The following ZNF148 variants were observed in gnomAD, a reference collection of about 807,000 sequenced individuals.
ZNF148 encodes zinc finger protein 148.
Under a neutral mutation model 67.7 loss-of-function variants are expected in ZNF148, and 7 were observed. The ratio of observed to expected loss-of-function variants is 0.10; its 90% CI spans 0.06 to 0.19. ZNF148 has a LOEUF of 0.19. ZNF148 is among the 10% of genes least tolerant of loss of function. The pLI is 1.00. For synonymous variants in ZNF148, 333 were observed against 330.7 expected (o/e 1.01, Z -0.08); for missense variants, 583 against 947.1 (o/e 0.62, Z 5.05).
At chr3:125,363,744 G>T (rs1423875392) in intron 1 of ZNF148, among the ~76,000 whole-genome samples, 1 of 151,592 alleles carries the variant, frequency 6.6e-6, no homozygotes, top group African/African-American at 2.4e-5. Context: ...CTGCCTTCTG[G>T]GTTCAAGTCA....
chr3:125,313,785 C>G, intron 3 of ZNF148, 129 bp from the exon 4 acceptor site: 1 of 722,234 alleles, frequency 1.4e-6, no homozygotes, highest in Non-Finnish European at 2.1e-6. Flanking sequence ...GGAACTGCCT[C>G]CAATTTTAAA....
intron 2 of ZNF148, among the ~76,000 whole-genome samples, chr3:125,323,876 G>A (rs1940898678): frequency 6.6e-6 from 1 of 151,584 alleles, no homozygotes; most frequent in Admixed American, 6.6e-5. Flanking sequence ...GGAGAATGGC[G>A]TGAACCCAGG....
chr3:125,244,419 C>G (rs1157512415), intron 7 of ZNF148, among the ~76,000 whole-genome samples: 4 of 152,170 alleles, frequency 2.6e-5, no homozygotes, highest in Non-Finnish European at 5.9e-5. Flanking sequence ...CCGGCTGCTG[C>G]AATGACCCAC....
chr3:125,288,325 A>T (rs1402762652), intron 4 of ZNF148, 97 bp from the exon 5 acceptor site: 1 of 1,275,756 alleles, frequency 7.8e-7, no homozygotes, highest in Admixed American at 2.5e-5. Context: ...ACCCACATAC[A>T]GGTGCTTCCA....
chr3:125,278,280 A>C (rs1938182043), intron 6 of ZNF148, among the ~76,000 whole-genome samples: 1 of 152,084 alleles, frequency 6.6e-6, no homozygotes, highest in Non-Finnish European at 1.5e-5. Flanking sequence ...CTGTCTCTTC[A>C]AACTTTCTCT....
At chr3:125,337,016 C>A (rs1018054583) in intron 1 of ZNF148, among the ~76,000 whole-genome samples, 231 of 115,096 alleles carry the variant, frequency 2.0e-3, no homozygotes, top group South Asian at 3.0e-3. Context: ...TCTACTCTCA[C>A]AAAAAAAAAA....
At chr3:125,255,262 T>C in intron 7 of ZNF148, among the ~76,000 whole-genome samples, 1 of 139,524 alleles carries the variant, frequency 7.2e-6, no homozygotes, top group Non-Finnish European at 1.5e-5. Context: ...TTTTTTTTTT[T>C]TTGAGACGGT....
intron 7 of ZNF148, among the ~76,000 whole-genome samples, chr3:125,275,696 T>C (rs950204526): frequency 6.6e-6 from 1 of 152,252 alleles, no homozygotes; most frequent in African/African-American, 2.4e-5. Flanking sequence ...CAACCCATTA[T>C]ACTCTGCTTA....
At chr3:125,238,091 C>T (rs1350738395) in intron 7 of ZNF148, among the ~76,000 whole-genome samples, 1 of 152,006 alleles carries the variant, frequency 6.6e-6, no homozygotes, top group Non-Finnish European at 1.5e-5. Context: ...TTAGACCCCC[C>T]CCAACCAACT....
rs568033088 is a variant in ZNF148, at chr3:125,323,272, T to C, written c.-17+37A>G. Reference sequence around the variant, plus strand: ...ATGACTTCATATTTGAAAAAACTTATTTATTCAAGATTATGAAAAATAAGT... The same window carrying C: ...ATGACTTCATATTTGAAAAAACTTACTTATTCAAGATTATGAAAAATAAGT... On this transcript the variant is annotated intron_variant, in intron 3 of 8. Transcript: ENST00000360647. 280 of 514,374 alleles carry C rather than the reference T, an allele frequency of 5.4e-4. 1 individual carries two copies. The highest frequency in any genetic ancestry group is 8.2e-4 in the Non-Finnish European group (239 of 291,468). 31.9% of individuals were successfully genotyped at this position (514,374 alleles called of 1,614,324 possible).
chr3:125,282,833 C>T (rs886783362), intron 5 of ZNF148, among the ~76,000 whole-genome samples: 1 of 152,086 alleles, frequency 6.6e-6, no homozygotes, highest in South Asian at 2.1e-4. Flanking sequence ...GGATCACTGC[C>T]ACTGAATAAA....
chr3:125,261,233 T>C (rs533272984), intron 7 of ZNF148, among the ~76,000 whole-genome samples: 1 of 152,196 alleles, frequency 6.6e-6, no homozygotes, highest in South Asian at 2.1e-4. Context: ...ATTACGACAA[T>C]AGACAGGTGG....
intron 4 of ZNF148, chr3:125,310,768 G>T (rs1190203954): frequency 1.3e-5 from 2 of 152,408 alleles, no homozygotes; most frequent in Non-Finnish European, 2.9e-5. Context: ...TTTCAGTTTT[G>T]CAAGATGAAA....
intron 1 of ZNF148, among the ~76,000 whole-genome samples, chr3:125,364,432 CCATCCAATAAT>C (rs1467578011): frequency 1.3e-5 from 2 of 151,216 alleles, no homozygotes; most frequent in East Asian, 3.9e-4. Context: ...AAACTTGAAA[CCATCCAATAAT>C]CATGGAATAG....
intron 4 of ZNF148, among the ~76,000 whole-genome samples, chr3:125,290,501 T>C (rs553385817): frequency 1.6e-4 from 25 of 152,334 alleles, no homozygotes; most frequent in Non-Finnish European, 3.1e-4. Flanking sequence ...CTTACTTTTA[T>C]ATTTAACTAT....
At chr3:125,312,804 T>C (rs916179918) in intron 4 of ZNF148, among the ~76,000 whole-genome samples, 5 of 152,196 alleles carry the variant, frequency 3.3e-5, no homozygotes, top group African/African-American at 1.2e-4. Context: ...TGAAACATCT[T>C]AAATGACGTC....
intron 5 of ZNF148, among the ~76,000 whole-genome samples, chr3:125,280,712 T>C (rs1399732520): frequency 7.4e-6 from 1 of 134,436 alleles, no homozygotes; most frequent in African/African-American, 2.8e-5. Flanking sequence ...TCATCAGACA[T>C]GTGGAAGAGT....
intron 5 of ZNF148, among the ~76,000 whole-genome samples, chr3:125,286,677 T>C (rs1480386610): frequency 1.3e-5 from 2 of 152,168 alleles, no homozygotes; most frequent in Admixed American, 1.3e-4. Context: ...ATAGATTATG[T>C]AGCTAATAAA....
intron 7 of ZNF148, among the ~76,000 whole-genome samples, chr3:125,264,452 C>T (rs1339251980): frequency 6.6e-6 from 1 of 152,212 alleles, no homozygotes; most frequent in Non-Finnish European, 1.5e-5. Context: ...AAAACCCACA[C>T]ACTTGGTGTC....
Sources: gnomAD v4.1 joint callset for allele counts (sites outside exome capture counted in the v4.1 genomes callset) on GRCh38, gnomAD v4.1.1 for gene constraint, MANE v1.5 for transcripts, NCBI Gene and HGNC (gene_info 2026-07-23, HGNC 2026-07-21) for gene names.